IGFBP7: variants seen among roughly 807,000 people sequenced by gnomAD.
IGFBP7 encodes insulin like growth factor binding protein 7, also known as insulin-like growth factor-binding protein 7.
Under a neutral mutation model 29.4 loss-of-function variants are expected in IGFBP7, and 31 were observed. The observed-to-expected ratio is 1.05, with a 90% CI of 0.79 to 1.42. The LOEUF (loss-of-function observed/expected upper bound fraction) is 1.42. Ranked by LOEUF, IGFBP7 falls within the 40% of genes most tolerant of loss-of-function variation. IGFBP7 has a pLI of 0.00. For missense variants in IGFBP7, 393 were observed against 395.5 expected (o/e 0.99, Z 0.05); for synonymous variants, 172 against 174.9 (o/e 0.98, Z 0.13).
At chr4:57,100,575 G>A (rs190353222) in intron 1 of IGFBP7, among the ~76,000 whole-genome samples, 29 of 152,218 alleles carry the variant, frequency 1.9e-4, no homozygotes, top group East Asian at 1.5e-3. Context: ...TATTTTATGC[G>A]AATGAAAGAG....
intron 1 of IGFBP7, among the ~76,000 whole-genome samples, chr4:57,047,318 G>A (rs532979601): frequency 4.9e-4 from 74 of 152,250 alleles, no homozygotes; most frequent in Non-Finnish European, 7.8e-4. Flanking sequence ...CTCCTCCTTC[G>A]CCTTCCACCA....
intron 1 of IGFBP7, among the ~76,000 whole-genome samples, chr4:57,085,647 C>G (rs1490062329): frequency 1.3e-5 from 2 of 151,938 alleles, no homozygotes; most frequent in Non-Finnish European, 2.9e-5. Flanking sequence ...TTCCCTTTCT[C>G]TCTCTCACTC....
Position 57,090,616 on chromosome 4 carries a change from C to G in IGFBP7, c.475+19261G>C, listed in dbSNP as rs539178449. Among the ~76,000 whole-genome samples, 8 of 152,180 alleles carry G rather than the reference C, an allele frequency of 5.3e-5. No individual in the cohort carries two copies. In the South Asian group the frequency reaches 1.7e-3, roughly 32 times the overall value. On this transcript the variant is annotated intron_variant, in intron 1 of 4. Transcript: ENST00000295666. The stretch of plus-strand genomic sequence containing the variant: ...CTTTGGGAGGCTGAGGCGGGCAGAT[C>G]ACTTGAAGTCAGGAGTTAGAGACCA...
intron 1 of IGFBP7, among the ~76,000 whole-genome samples, chr4:57,103,655 C>CTTTTG (rs1560510152): frequency 6.3e-5 from 4 of 63,696 alleles, no homozygotes; most frequent in African/African-American, 1.2e-4. Context: ...TTTTTTTTTT[C>CTTTTG]TTTTCTTTTT....
chr4:57,093,253 C>A lies in IGFBP7; in HGVS notation c.475+16624G>T, dbSNP rs530373819. On this transcript the variant is annotated intron_variant, in intron 1 of 4. Coordinates refer to ENST00000295666, the MANE Select transcript of IGFBP7 (RefSeq NM_001553.3). ...CAGTGGCTCACGCCTATAATCCCAG[C>A]ACTTTGGGAGACCGAGGCGGGCGGA... 4.5e-4 allele frequency among the ~76,000 whole-genome samples: 68 copies of A among 152,322 alleles called. 2 individuals carry two copies. In the South Asian group the frequency reaches 0.013, roughly 29 times the overall value.
chr4:57,055,545 T>C (rs1479151879), intron 1 of IGFBP7, among the ~76,000 whole-genome samples: 1 of 152,046 alleles, frequency 6.6e-6, no homozygotes, highest in Non-Finnish European at 1.5e-5. Flanking sequence ...CACGGAGAAT[T>C]GAGAAAATCC....
At chr4:57,081,643 A>T (rs1371939067) in intron 1 of IGFBP7, among the ~76,000 whole-genome samples, 1 of 151,946 alleles carries the variant, frequency 6.6e-6, no homozygotes, top group African/African-American at 2.4e-5. Context: ...GCCCAAACAC[A>T]AGCAGAAGCT....
At chr4:57,102,259 C>T (rs1469083353) in intron 1 of IGFBP7, among the ~76,000 whole-genome samples, 1 of 152,140 alleles carries the variant, frequency 6.6e-6, no homozygotes, top group Admixed American at 6.5e-5. Flanking sequence ...TTCTAGAAGG[C>T]CAGTCTACAG....
At chr4:57,031,629 C>G (rs1723933325) in intron 4 of IGFBP7, among the ~76,000 whole-genome samples, 1 of 152,158 alleles carries the variant, frequency 6.6e-6, no homozygotes. Flanking sequence ...AAAGACCTTT[C>G]CTTTGTAGTC....
At chr4:57,038,997 C>T (rs1724153418) in intron 2 of IGFBP7, among the ~76,000 whole-genome samples, 1 of 137,280 alleles carries the variant, frequency 7.3e-6, no homozygotes, top group Non-Finnish European at 1.5e-5. Flanking sequence ...ACCCGGGAGG[C>T]GAGGTTGCGG....
chr4:57,108,638 T>A (rs1331263735), intron 1 of IGFBP7, among the ~76,000 whole-genome samples: 1 of 151,942 alleles, frequency 6.6e-6, no homozygotes, highest in Non-Finnish European at 1.5e-5. Context: ...GCCTCCCAGA[T>A]TCAAGCGATT....
At position 57,031,014 on chromosome 4, in the gene IGFBP7, A is replaced by T; in HGVS notation, c.*303T>A. The stretch of plus-strand genomic sequence containing the variant: ...CTATTTTACAGGAGTCAACAAGATA[A>T]TTAAATATCTTGGTGTCTTGTTTCT... On this transcript the variant is annotated 3_prime_UTR_variant, in exon 5 of 5. Transcript: ENST00000295666. The T allele has an allele frequency of 8.6e-6, 11 of 1,280,610 alleles. No individual in the cohort carries two copies. The highest frequency in any genetic ancestry group is 1.5e-5 in the African/African-American group (1 of 68,600). 79.3% of individuals were successfully genotyped at this position (1,280,610 alleles called of 1,614,324 possible).
At chr4:57,038,262 G>T (rs1037118005) in intron 2 of IGFBP7, among the ~76,000 whole-genome samples, 4 of 152,142 alleles carry the variant, frequency 2.6e-5, no homozygotes, top group Non-Finnish European at 5.9e-5. Flanking sequence ...GCAGGGAGAA[G>T]GGAAGCCCTT....
At chr4:57,075,775 A>C (rs899085502) in intron 1 of IGFBP7, among the ~76,000 whole-genome samples, 2 of 152,214 alleles carry the variant, frequency 1.3e-5, no homozygotes, top group South Asian at 2.1e-4. Context: ...AAAAAGGTAG[A>C]CACAAGGCAG....
rs1253342105 is a variant in IGFBP7 at position 57,048,059 on chromosome 4, T to C, written c.476-7126A>G. On this transcript the variant is annotated intron_variant, in intron 1 of 4. Coordinates refer to ENST00000295666, the MANE Select transcript of IGFBP7 (RefSeq NM_001553.3). ...TCTCCTTTGCCCCCCTCCGCCCCCC[T>C]TTTTTTTTTTGAGACGGAGTCTTGC... Among the ~76,000 whole-genome samples the C allele has an allele frequency of 1.5e-3, 151 of 102,276 alleles. 1 individual carries two copies. The highest frequency in any genetic ancestry group is 9.5e-3 in the East Asian group (36 of 3,786). 67.1% of individuals were successfully genotyped at this position (102,276 alleles called of 152,430 possible).
intron 1 of IGFBP7, among the ~76,000 whole-genome samples, chr4:57,061,991 C>T (rs1724811389): frequency 6.6e-6 from 1 of 152,072 alleles, no homozygotes; most frequent in African/African-American, 2.4e-5. Context: ...GCCATTACTT[C>T]ATTTTGTTTT....
chr4:57,099,457 G>T (rs1725839699), intron 1 of IGFBP7, among the ~76,000 whole-genome samples: 1 of 152,162 alleles, frequency 6.6e-6, no homozygotes, highest in Admixed American at 6.5e-5. Flanking sequence ...TGGGAAAATT[G>T]ATGATGGGAC....
At chr4:57,066,142 G>T (rs1468244532) in intron 1 of IGFBP7, among the ~76,000 whole-genome samples, 1 of 152,188 alleles carries the variant, frequency 6.6e-6, no homozygotes, top group African/African-American at 2.4e-5. Flanking sequence ...TGCTCCCCTT[G>T]AGTGTGGTCT....
intron 1 of IGFBP7, among the ~76,000 whole-genome samples, chr4:57,047,826 C>T (rs1724399203): frequency 6.6e-6 from 1 of 152,126 alleles, no homozygotes; most frequent in Non-Finnish European, 1.5e-5. Flanking sequence ...CCTCAATCTC[C>T]TGGGCCCAAA....
Sources: gnomAD v4.1 joint callset for allele counts (sites outside exome capture counted in the v4.1 genomes callset) on GRCh38, gnomAD v4.1.1 for gene constraint, MANE v1.5 for transcripts, NCBI Gene and HGNC (gene_info 2026-07-23, HGNC 2026-07-21) for gene names.